USP34: variants seen among roughly 807,000 people sequenced by gnomAD.
The protein encoded by USP34 is ubiquitin specific peptidase 34, also known as ubiquitin carboxyl-terminal hydrolase 34.
USP34 carries 70 observed loss-of-function variants against 460.3 expected under a neutral mutation model. The observed-to-expected ratio is 0.15, with a 90% confidence interval of 0.13 to 0.19. USP34 has a LOEUF of 0.19. Among genes scored for constraint, USP34 ranks in the 10% least tolerant of loss-of-function variants. The pLI is 1.00. For synonymous variants in USP34, 1,647 were observed against 1,405.3 expected, an observed-to-expected ratio of 1.17 and a Z score of -3.85; for missense variants, 3,985 against 4,236.2, an observed-to-expected ratio of 0.94 and a Z score of 1.65.
At chr2:61,284,600 C>G (rs1454252940) in intron 35 of USP34, among the ~76,000 whole-genome samples, 1 of 152,074 alleles carries the variant, frequency 6.6e-6, no homozygotes, top group African/African-American at 2.4e-5. Flanking sequence ...TTAGGAGATA[C>G]ACAACAAAGT....
intron 58 of USP34, among the ~76,000 whole-genome samples, chr2:61,230,254 G>C (rs1341682240): frequency 6.6e-6 from 1 of 152,212 alleles, no homozygotes; most frequent in Non-Finnish European, 1.5e-5. Flanking sequence ...TACCAGCTGG[G>C]TGCAGTGGCT....
intron 53 of USP34, 34 bp from the exon 54 acceptor site, chr2:61,236,423 C>G: frequency 6.9e-7 from 1 of 1,448,380 alleles, no homozygotes; most frequent in Non-Finnish European, 9.4e-7. Context: ...AGTGATAAAG[C>G]AGTTTACTTC....
intron 2 of USP34, among the ~76,000 whole-genome samples, chr2:61,406,658 C>T (rs968069979): frequency 4.7e-5 from 7 of 150,442 alleles, no homozygotes; most frequent in Non-Finnish European, 1.0e-4. Context: ...CTTTCTCTCT[C>T]TCTCTCCCCC....
chr2:61,347,215 A>T (rs1036662374), intron 15 of USP34, among the ~76,000 whole-genome samples: 1 of 152,212 alleles, frequency 6.6e-6, no homozygotes, highest in Non-Finnish European at 1.5e-5. Context: ...TCTAAATTGA[A>T]AAGTGCTATA....
intron 5 of USP34, among the ~76,000 whole-genome samples, chr2:61,384,159 T>C (rs1251096609): frequency 1.3e-5 from 2 of 152,204 alleles, no homozygotes; most frequent in African/African-American, 4.8e-5. Context: ...ACTTACTAAG[T>C]TTACTATAAG....
intron 27 of USP34, 47 bp from the exon 28 acceptor site, chr2:61,301,501 C>G (rs762750486): frequency 6.6e-7 from 1 of 1,514,120 alleles, no homozygotes; most frequent in South Asian, 1.1e-5. Context: ...TAAGAATTAA[C>G]TTACTTGCTG....
At chr2:61,371,789 C>G (rs900628002) in intron 8 of USP34, among the ~76,000 whole-genome samples, 2 of 152,128 alleles carry the variant, frequency 1.3e-5, no homozygotes, top group African/African-American at 4.8e-5. Flanking sequence ...GGTAAGCGTC[C>G]TATACAGGCA....
intron 15 of USP34, among the ~76,000 whole-genome samples, chr2:61,344,880 T>C (rs1691716724): frequency 6.6e-6 from 1 of 152,128 alleles, no homozygotes; most frequent in Non-Finnish European, 1.5e-5. Context: ...ACTGAGGAGA[T>C]GCTAGTGGAA....
chr2:61,190,468 A>T, intron 77 of USP34, 50 bp downstream of exon 77: 1 of 1,603,582 alleles, frequency 6.2e-7, no homozygotes, highest in Non-Finnish European at 8.5e-7. Flanking sequence ...TGAAACCACA[A>T]GCATTAACTA....
At chr2:61,311,409 T>G in intron 27 of USP34, 131 bp downstream of exon 27, 1 of 949,130 alleles carries the variant, frequency 1.1e-6, no homozygotes, top group Non-Finnish European at 1.5e-6. Flanking sequence ...ACCAAGACAG[T>G]TGCTATATGA....
intron 62 of USP34, chr2:61,223,572 ACTTT>A (rs1439811255): frequency 3.3e-6 from 1 of 307,528 alleles, no homozygotes; most frequent in Non-Finnish European, 5.9e-6. Context: ...TATTTTACTT[ACTTT>A]TTTTTTTTTT....
intron 20 of USP34, 140 bp from the exon 21 acceptor site, chr2:61,325,597 C>A (rs536611290): frequency 4.4e-6 from 2 of 459,484 alleles, no homozygotes; most frequent in Non-Finnish European, 3.7e-6. Context: ...TTTGGTTACA[C>A]GAAAGAAGTT....
chr2:61,448,683 A>G (rs1010801001), intron 1 of USP34, among the ~76,000 whole-genome samples: 3 of 152,250 alleles, frequency 2.0e-5, no homozygotes, highest in Admixed American at 1.3e-4. Context: ...GGGATCCACT[A>G]AACAATTTAC....
intron 25 of USP34, 84 bp from the exon 26 acceptor site, chr2:61,311,994 C>A: frequency 6.7e-7 from 1 of 1,501,702 alleles, no homozygotes; most frequent in Non-Finnish European, 8.9e-7. Flanking sequence ...ATCTTACAGA[C>A]TGGAAAAGTC....
chr2:61,456,915 A>G lies in USP34; in HGVS notation c.43+13735T>C, dbSNP rs1695457910. ...ATAGCTTGGCCCACCTGGGACGTTG[A>G]GGCTGCAGTTAGCCATGACTGAGCC... On this transcript the variant is annotated intron_variant, in intron 1 of 79. Transcript: ENST00000398571. Among the ~76,000 whole-genome samples, 5 of 151,950 alleles carry G rather than the reference A, an allele frequency of 3.3e-5. No individual in the cohort carries two copies. In the South Asian group the frequency reaches 1.0e-3, roughly 32 times the overall value.
At chr2:61,416,718 GAGTT>G (rs541113623) in intron 2 of USP34, among the ~76,000 whole-genome samples, 103 of 150,070 alleles carry the variant, frequency 6.9e-4, no homozygotes, top group African/African-American at 2.3e-3. Context: ...CCCATTTTCT[GAGTT>G]AGTTTTCCTC....
At chr2:61,449,067 G>A (rs959951210) in intron 1 of USP34, among the ~76,000 whole-genome samples, 2 of 152,112 alleles carry the variant, frequency 1.3e-5, no homozygotes, top group African/African-American at 4.8e-5. Context: ...TGAGGCAGGA[G>A]AACTGCTTGA....
At chr2:61,349,342 G>A (rs1212098075) in intron 12 of USP34, 57 bp from the exon 13 acceptor site, 5 of 1,555,658 alleles carry the variant, frequency 3.2e-6, no homozygotes, top group Non-Finnish European at 4.4e-6. Context: ...GCTTCTTTGA[G>A]ACAGCGTATC....
In USP34 at chr2:61,370,560, C is replaced by A. The variant is rs1044360030; in HGVS notation, c.1096G>T (p.Ala366Ser). 2 of 1,613,524 alleles carry A rather than the reference C, an allele frequency of 1.2e-6. No individual in the cohort carries two copies. Among genetic ancestry groups the A allele is most frequent in the African/African-American group, 1.3e-5 (1 of 74,880 alleles). The change falls in exon 9 of 80, where the codon GCA (alanine) becomes TCA (serine). Residue 366 changes from alanine to serine, a missense_variant. Physicochemically the swap from Ala to Ser is moderately conservative, Grantham distance 99. This residue lies in a region of USP34 where 716 missense variants were observed against 626.2 expected (regional missense o/e 1.14). Coordinates refer to ENST00000398571, the MANE Select transcript of USP34 (RefSeq NM_014709.4). Reference protein sequence around the residue: ...DTETSIAKELADWLISNNVVE... With the variant: ...DTETSIAKELSDWLISNNVVE... ...ACATTGTTGCTAATAAGCCAGTCTG[C>A]AAGTTCTTTTGCAATGGACCTAAAG...
Sources: allele counts gnomAD v4.1 joint callset (sites outside exome capture counted in the v4.1 genomes callset), GRCh38; gene constraint gnomAD v4.1.1; regional missense constraint gnomAD v4.1.1; transcripts MANE v1.5; gene names NCBI Gene and HGNC (gene_info 2026-07-23, HGNC 2026-07-21).